The following SLC24A2 variants were observed in gnomAD, a reference collection of about 807,000 sequenced individuals.
The protein encoded by SLC24A2 is solute carrier family 24 member 2.
A neutral mutation model predicts 62.0 loss-of-function variants in SLC24A2; 36 were observed. That is an observed-to-expected ratio of 0.58 (90% CI 0.44 to 0.77). SLC24A2 has a LOEUF of 0.77. Ranked by LOEUF, SLC24A2 falls within the 30% of genes least tolerant of loss-of-function variation. The probability of loss-of-function intolerance (pLI) is 0.00; values close to 1 mark genes in which losing one functional copy is unlikely to be tolerated. For missense variants in SLC24A2, 846 were observed against 817.9 expected (o/e 1.03, Z -0.42); for synonymous variants, 358 against 294.0 (o/e 1.22, Z -2.23).
chr9:19,989,211 A>C, the SLC24A2 span, among the ~76,000 whole-genome samples: 1 of 152,208 alleles, frequency 6.6e-6, no homozygotes, highest in Non-Finnish European at 1.5e-5. Flanking sequence ...AGAATATTAT[A>C]AATGGTTTTG....
chr9:19,680,119 A>G (rs7024077), intron 2 of SLC24A2, among the ~76,000 whole-genome samples: 4,792 of 133,552 alleles, frequency 0.036, 158 homozygotes, highest in East Asian at 0.12. Flanking sequence ...GCTACAAAGA[A>G]TTCACAGTCT....
At chr9:19,871,786 G>A in the SLC24A2 span, among the ~76,000 whole-genome samples, 1 of 152,058 alleles carries the variant, frequency 6.6e-6, no homozygotes, top group Non-Finnish European at 1.5e-5. Context: ...TTTCTGGAAG[G>A]GGCAAGAGAA....
chr9:19,869,056 A>T, the SLC24A2 span, among the ~76,000 whole-genome samples: 1 of 152,092 alleles, frequency 6.6e-6, no homozygotes, highest in African/African-American at 2.4e-5. Flanking sequence ...AACACGGCTC[A>T]CTGCAGCCTT....
chr9:19,735,738 C>G (rs1026701011), intron 2 of SLC24A2, among the ~76,000 whole-genome samples: 1 of 152,102 alleles, frequency 6.6e-6, no homozygotes, highest in South Asian at 2.1e-4. Flanking sequence ...AACCATCATT[C>G]TCAGCAAACT....
intron 2 of SLC24A2, among the ~76,000 whole-genome samples, chr9:19,683,018 G>A (rs1454881085): frequency 6.6e-6 from 1 of 152,048 alleles, no homozygotes; most frequent in Non-Finnish European, 1.5e-5. Flanking sequence ...AGTAAAGCTA[G>A]GGACCCACCG....
At chr9:19,930,292 T>C in the SLC24A2 span, among the ~76,000 whole-genome samples, 1 of 152,190 alleles carries the variant, frequency 6.6e-6, no homozygotes, top group African/African-American at 2.4e-5. Context: ...ATATTTACTC[T>C]AGTGTTTCCA....
the SLC24A2 span, among the ~76,000 whole-genome samples, chr9:20,152,004 C>T: frequency 2.6e-5 from 4 of 151,800 alleles, no homozygotes; most frequent in Non-Finnish European, 2.9e-5. Flanking sequence ...CAAAGGTAAG[C>T]GACTGAACCA....
chr9:20,099,930 G>T, the SLC24A2 span, among the ~76,000 whole-genome samples: 4 of 152,102 alleles, frequency 2.6e-5, no homozygotes, highest in African/African-American at 9.7e-5. Flanking sequence ...ACTCACCCAT[G>T]AGCATTTCAT....
At chr9:19,991,124 C>T in the SLC24A2 span, among the ~76,000 whole-genome samples, 1 of 151,654 alleles carries the variant, frequency 6.6e-6, no homozygotes, top group Admixed American at 6.6e-5. Flanking sequence ...GGTGAAGTCC[C>T]ACAATAGGCC....
At chr9:19,963,296 A>G in the SLC24A2 span, among the ~76,000 whole-genome samples, 1 of 149,882 alleles carries the variant, frequency 6.7e-6, no homozygotes, top group Non-Finnish European at 1.5e-5. Context: ...ACCATTCAGG[A>G]CATAGGCATG....
chr9:20,153,904 T>C, the SLC24A2 span, among the ~76,000 whole-genome samples: 1 of 151,948 alleles, frequency 6.6e-6, no homozygotes, highest in Admixed American at 6.6e-5. Flanking sequence ...ATAAATATTT[T>C]TGCTGGAAAA....
At chr9:19,544,645 C>T (rs1048640489) in intron 8 of SLC24A2, among the ~76,000 whole-genome samples, 6 of 152,138 alleles carry the variant, frequency 3.9e-5, no homozygotes, top group African/African-American at 1.2e-4. Flanking sequence ...AATCTCTCGG[C>T]ATTTGCTTGT....
the SLC24A2 span, among the ~76,000 whole-genome samples, chr9:20,142,785 G>A: frequency 3.9e-5 from 6 of 152,072 alleles, no homozygotes; most frequent in South Asian, 2.1e-4. Context: ...TTGTAGAGAC[G>A]GGGTTTCACC....
At chr9:19,707,083 G>A (rs1257990631) in intron 2 of SLC24A2, among the ~76,000 whole-genome samples, 12 of 151,702 alleles carry the variant, frequency 7.9e-5, no homozygotes, top group East Asian at 1.9e-4. Flanking sequence ...TATCACCACC[G>A]ATCCCACAGA....
At chr9:19,716,604 T>G (rs965342353) in intron 2 of SLC24A2, among the ~76,000 whole-genome samples, 10 of 152,216 alleles carry the variant, frequency 6.6e-5, no homozygotes, top group African/African-American at 2.4e-4. Context: ...GTCTTATATT[T>G]GCCTTTAGGC....
chr9:20,011,569 A>G, the SLC24A2 span, among the ~76,000 whole-genome samples: 2 of 152,226 alleles, frequency 1.3e-5, no homozygotes, highest in Non-Finnish European at 2.9e-5. Flanking sequence ...ATTGTGGGAC[A>G]CCATCAAGAA....
the SLC24A2 span, among the ~76,000 whole-genome samples, chr9:19,809,299 A>C: frequency 6.6e-6 from 1 of 152,200 alleles, no homozygotes; most frequent in Non-Finnish European, 1.5e-5. Context: ...TTTCTAAAAA[A>C]ATTACACAGG....
chr9:20,054,376 G>C, the SLC24A2 span, among the ~76,000 whole-genome samples: 1 of 152,006 alleles, frequency 6.6e-6, no homozygotes, highest in East Asian at 1.9e-4. Context: ...ATTTTTAGTA[G>C]AGACAGGGTT....
chr9:20,253,631 AGT>A, the SLC24A2 span, among the ~76,000 whole-genome samples: 1 of 152,186 alleles, frequency 6.6e-6, no homozygotes, highest in African/African-American at 2.4e-5. Flanking sequence ...TCTCTGGGGA[AGT>A]GGGGCCCAGG....
Sources: gnomAD v4.1 joint callset for allele counts (sites outside exome capture counted in the v4.1 genomes callset) on GRCh38, gnomAD v4.1.1 for gene constraint, MANE v1.5 for transcripts, NCBI Gene and HGNC (gene_info 2026-07-23, HGNC 2026-07-21) for gene names.